Variants in SESN1 observed in about 807,000 individuals in gnomAD.
The protein encoded by SESN1 is sestrin 1, also known as sestrin-1.
A neutral mutation model predicts 59.3 loss-of-function variants in SESN1; 30 were observed. The observed-to-expected ratio is 0.51, with a 90% CI of 0.38 to 0.69. The LOEUF is 0.69. Ranked by LOEUF, SESN1 falls within the 30% of genes least tolerant of loss-of-function variation. The probability of loss-of-function intolerance (pLI) is 0.00; values close to 1 mark genes in which losing one functional copy is unlikely to be tolerated. For missense variants in SESN1, 566 were observed against 673.0 expected (o/e 0.84, Z 1.76); for synonymous variants, 197 against 219.9 (o/e 0.90, Z 0.92).
At chr6:109,080,266 A>G (rs1781099078) in intron 1 of SESN1, among the ~76,000 whole-genome samples, 1 of 152,232 alleles carries the variant, frequency 6.6e-6, no homozygotes, top group Non-Finnish European at 1.5e-5. Context: ...ACAATGAACT[A>G]GCTAGGAGAA....
Position 108,987,064 on chromosome 6 carries a change from T to G in SESN1, c.*480A>C, listed in dbSNP as rs1335834932. 4 of 153,094 alleles carry G rather than the reference T, an allele frequency of 2.6e-5. No individual in the cohort carries two copies. The highest frequency in any genetic ancestry group is 7.2e-5 in the African/African-American group (3 of 41,478). 9.5% of individuals were successfully genotyped at this position (153,094 alleles called of 1,614,324 possible). Reference sequence around the variant, plus strand: ...CACAAGTTATGTATGTAGGCTCAGATAGTAGCAATGTTCACTTTTATTACT... The same window carrying G: ...CACAAGTTATGTATGTAGGCTCAGAGAGTAGCAATGTTCACTTTTATTACT... On this transcript the variant is annotated 3_prime_UTR_variant, in exon 10 of 10. Coordinates refer to ENST00000436639, the MANE Select transcript of SESN1 (RefSeq NM_014454.3).
intron 1 of SESN1, among the ~76,000 whole-genome samples, chr6:109,073,288 T>G (rs187090511): frequency 1.2e-4 from 18 of 152,362 alleles, no homozygotes; most frequent in African/African-American, 4.1e-4. Flanking sequence ...TTAGTGCATA[T>G]GAGTACCTAG....
intron 5 of SESN1, 88 bp downstream of exon 5, chr6:108,998,425 G>T (rs1779543631): frequency 6.6e-7 from 1 of 1,517,156 alleles, no homozygotes. Flanking sequence ...TAACAGGGTG[G>T]GTTTTTCTAA....
intron 1 of SESN1, among the ~76,000 whole-genome samples, chr6:109,085,790 G>A (rs182602801): frequency 2.0e-5 from 3 of 152,230 alleles, no homozygotes; most frequent in African/African-American, 7.2e-5. Flanking sequence ...TTCTGACAAA[G>A]CAGAGATTAG....
At chr6:109,054,169 T>G (rs765485685) in intron 1 of SESN1, among the ~76,000 whole-genome samples, 1 of 152,016 alleles carries the variant, frequency 6.6e-6, no homozygotes, top group Non-Finnish European at 1.5e-5. Context: ...TTCATACCAA[T>G]GATGAAAAAC....
chr6:109,093,654 T>C, intron 1 of SESN1, 141 bp downstream of exon 1: 1 of 790,158 alleles, frequency 1.3e-6, no homozygotes, highest in South Asian at 2.2e-5. Flanking sequence ...ACTACTTGTT[T>C]ACTTACAGAA....
chr6:109,071,955 T>C (rs186044545), intron 1 of SESN1, among the ~76,000 whole-genome samples: 1 of 152,302 alleles, frequency 6.6e-6, no homozygotes, highest in East Asian at 1.9e-4. Context: ...AAACACGGGC[T>C]CTCTCCCAAG....
intron 1 of SESN1, among the ~76,000 whole-genome samples, chr6:109,030,279 G>T (rs1780162650): frequency 1.3e-5 from 2 of 152,186 alleles, no homozygotes; most frequent in Non-Finnish European, 2.9e-5. Context: ...AGAATAAAAA[G>T]AATGGATCTA....
intron 1 of SESN1, among the ~76,000 whole-genome samples, chr6:109,030,464 A>G (rs1247695136): frequency 6.6e-6 from 1 of 152,226 alleles, no homozygotes; most frequent in Non-Finnish European, 1.5e-5. Flanking sequence ...ATGTATCAAT[A>G]GATGAGGCAC....
At position 109,094,285 on chromosome 6, in the gene SESN1, C is replaced by T; in HGVS notation, c.-212G>A. 8.9e-6 allele frequency: 5 copies of T among 563,330 alleles called. No homozygotes were observed. Among genetic ancestry groups the T allele is most frequent in the Non-Finnish European group, 1.6e-5 (5 of 321,832 alleles). 34.9% of individuals were successfully genotyped at this position (563,330 alleles called of 1,614,324 possible). ...CACCCTCTCCTTGTACACGAAAGGG[C>T]AGTCTTCTTTCTGGAAAAACAAAGT... On this transcript the variant is annotated 5_prime_UTR_variant, in exon 1 of 10. Transcript: ENST00000436639.
chr6:109,078,392 A>AAAATAT (rs1427282934), intron 1 of SESN1, among the ~76,000 whole-genome samples: 2 of 152,130 alleles, frequency 1.3e-5, no homozygotes, highest in Non-Finnish European at 2.9e-5. Context: ...AAAATAAAAT[A>AAAATAT]AAATATAAAT....
chr6:109,006,097 G>A (rs890245567), intron 1 of SESN1, among the ~76,000 whole-genome samples: 2 of 152,176 alleles, frequency 1.3e-5, no homozygotes, highest in Non-Finnish European at 2.9e-5. Flanking sequence ...CTAACACAAA[G>A]TATGAGCTGA....
chr6:109,046,328 G>A (rs1163019488), intron 1 of SESN1, among the ~76,000 whole-genome samples: 2 of 151,962 alleles, frequency 1.3e-5, no homozygotes, highest in African/African-American at 2.4e-5. Flanking sequence ...CGAGTGATCC[G>A]CCAGCCTTGG....
Position 109,001,284 on chromosome 6 carries a change from A to C in SESN1, c.546+4T>G. 1 of 1,611,258 alleles carries C rather than the reference A, an allele frequency of 6.2e-7. No individual in the cohort carries two copies. Among genetic ancestry groups the C allele is most frequent in the Non-Finnish European group, 8.5e-7 (1 of 1,178,276 alleles). Reference sequence around the variant, plus strand: ...AAACAATTTTTCACTGAATGTTTACAAACCATTATTCCAATGTAGTGACGA... The same window carrying C: ...AAACAATTTTTCACTGAATGTTTACCAACCATTATTCCAATGTAGTGACGA... On this transcript the variant is annotated splice_donor_region_variant and intron_variant, in intron 3 of 9. Transcript: ENST00000436639.
chr6:109,086,568 CATGA>C (rs1781216380), intron 1 of SESN1, among the ~76,000 whole-genome samples: 1 of 152,174 alleles, frequency 6.6e-6, no homozygotes, highest in Non-Finnish European at 1.5e-5. Flanking sequence ...TCTTTTACTT[CATGA>C]ATGGTCTGCA....
chr6:109,009,566 G>T (rs941050113), intron 1 of SESN1: 2 of 1,108,984 alleles, frequency 1.8e-6, no homozygotes, highest in Non-Finnish European at 2.2e-6. Context: ...GGGGGGGCGG[G>T]GCGGCGCCGA....
chr6:109,038,514 A>G (rs1583281920), intron 1 of SESN1, among the ~76,000 whole-genome samples: 1 of 152,152 alleles, frequency 6.6e-6, no homozygotes, highest in East Asian at 1.9e-4. Context: ...ACAAAAAACA[A>G]CACAAGTCTT....
At chr6:109,085,340 A>G (rs1466229563) in intron 1 of SESN1, among the ~76,000 whole-genome samples, 3 of 152,138 alleles carry the variant, frequency 2.0e-5, no homozygotes, top group African/African-American at 4.8e-5. Context: ...TATCATGGTG[A>G]AATCCCGTCT....
At chr6:108,990,882 A>G (rs1165160032) in intron 7 of SESN1, 47 bp from the exon 8 acceptor site, 6 of 1,515,376 alleles carry the variant, frequency 4.0e-6, no homozygotes, top group South Asian at 1.1e-5. Context: ...GGTCAAGTAC[A>G]GTTCTATATC....
Sources: allele counts gnomAD v4.1 joint callset (sites outside exome capture counted in the v4.1 genomes callset), GRCh38; gene constraint gnomAD v4.1.1; transcripts MANE v1.5; gene names NCBI Gene and HGNC (gene_info 2026-07-23, HGNC 2026-07-21).